The following EYS variants were observed in gnomAD, a reference collection of about 807,000 sequenced individuals.
The protein encoded by EYS is protein eyes shut homolog.
EYS carries 250 observed loss-of-function variants against 282.1 expected under a neutral mutation model. That is an observed-to-expected ratio of 0.89 (90% CI 0.80 to 0.98). EYS has a LOEUF of 0.98. EYS is among the 50% of genes least tolerant of loss of function. The pLI, the probability that EYS is intolerant of heterozygous loss-of-function variation, is 0.00. For missense variants in EYS, 4,016 were observed against 3,709.0 expected (o/e 1.08, Z -2.15); for synonymous variants, 1,355 against 1,282.9 (o/e 1.06, Z -1.20).
At chr6:63,838,120 T>A (rs1490370436) in intron 36 of EYS, among the ~76,000 whole-genome samples, 1 of 152,184 alleles carries the variant, frequency 6.6e-6, no homozygotes, top group Admixed American at 6.5e-5. Flanking sequence ...TCAAGTAATG[T>A]TTACATCTTA....
intron 12 of EYS, among the ~76,000 whole-genome samples, chr6:65,102,591 T>C (rs1355441288): frequency 1.3e-5 from 2 of 151,246 alleles, no homozygotes; most frequent in Non-Finnish European, 3.0e-5. Context: ...TAAAATATAA[T>C]GATAAATAAA....
At chr6:63,983,735 C>T (rs1044724078) in intron 35 of EYS, among the ~76,000 whole-genome samples, 5 of 151,712 alleles carry the variant, frequency 3.3e-5, no homozygotes, top group Non-Finnish European at 7.4e-5. Flanking sequence ...ATAAAGAATT[C>T]TCAGATGACT....
intron 35 of EYS, among the ~76,000 whole-genome samples, chr6:63,963,789 A>T (rs1420276814): frequency 6.6e-6 from 1 of 152,186 alleles, no homozygotes; most frequent in Non-Finnish European, 1.5e-5. Context: ...TTTCATTTAA[A>T]TCTCAAACTA....
At chr6:64,635,556 G>A (rs1232570912) in intron 22 of EYS, among the ~76,000 whole-genome samples, 1 of 152,128 alleles carries the variant, frequency 6.6e-6, no homozygotes, top group Non-Finnish European at 1.5e-5. Context: ...TTTGTCAAAG[G>A]CCTTCTCTGC....
intron 5 of EYS, among the ~76,000 whole-genome samples, chr6:65,421,097 C>A (rs1767439707): frequency 6.6e-6 from 1 of 151,862 alleles, no homozygotes; most frequent in East Asian, 1.9e-4. Context: ...GCAAGAGAAG[C>A]AGTCTGTTCT....
intron 26 of EYS, among the ~76,000 whole-genome samples, chr6:64,527,336 G>T (rs143230896): frequency 1.3e-5 from 2 of 151,936 alleles, no homozygotes; most frequent in Non-Finnish European, 3.0e-5. Context: ...TGATATGCCA[G>T]GCCTAAGGGC....
At chr6:63,915,000 T>C (rs1207919558) in intron 35 of EYS, among the ~76,000 whole-genome samples, 3 of 152,180 alleles carry the variant, frequency 2.0e-5, no homozygotes. Context: ...CTACAGCATG[T>C]TATTCAGAAA....
intron 12 of EYS, among the ~76,000 whole-genome samples, chr6:65,272,997 T>C (rs902296736): frequency 2.0e-5 from 3 of 152,132 alleles, no homozygotes; most frequent in Non-Finnish European, 2.9e-5. Context: ...AAACGTTACT[T>C]GAACATAAAC....
At chr6:64,275,046 G>C (rs529090027) in intron 30 of EYS, among the ~76,000 whole-genome samples, 1 of 152,114 alleles carries the variant, frequency 6.6e-6, no homozygotes, top group African/African-American at 2.4e-5. Flanking sequence ...TGGCAACCTG[G>C]TCACACCTAC....
chr6:64,164,034 CT>C (rs1196665969), intron 31 of EYS, among the ~76,000 whole-genome samples: 2 of 152,098 alleles, frequency 1.3e-5, no homozygotes, highest in African/African-American at 2.4e-5. Context: ...TAGGTGTTGA[CT>C]CTCAGACAAT....
chr6:65,519,708 A>ATATATTTTTTTTTTTTTTT (rs1554205854), intron 2 of EYS, among the ~76,000 whole-genome samples: 2 of 42,562 alleles, frequency 4.7e-5, no homozygotes, highest in Non-Finnish European at 7.4e-5. Context: ...ATATATATAT[A>ATATATTTTTTTTTTTTTTT]TTTTTTTTTT....
intron 36 of EYS, among the ~76,000 whole-genome samples, chr6:63,844,761 C>A (rs1198401624): frequency 6.6e-6 from 1 of 151,704 alleles, no homozygotes; most frequent in Admixed American, 6.6e-5. Flanking sequence ...GGATAATAGT[C>A]CTTTGTCAGA....
intron 35 of EYS, among the ~76,000 whole-genome samples, chr6:63,974,348 A>C (rs1032681105): frequency 6.6e-6 from 1 of 152,228 alleles, no homozygotes; most frequent in East Asian, 1.9e-4. Flanking sequence ...TAGTTTTTGA[A>C]GGAAAGCAAA....
intron 12 of EYS, among the ~76,000 whole-genome samples, chr6:65,291,288 T>C (rs1463566049): frequency 1.3e-5 from 2 of 151,478 alleles, no homozygotes; most frequent in East Asian, 3.9e-4. Flanking sequence ...AAAACCATAA[T>C]GATTAATAAT....
chr6:64,118,045 A>T (rs1366676101), intron 31 of EYS, among the ~76,000 whole-genome samples: 1 of 152,118 alleles, frequency 6.6e-6, no homozygotes, highest in Non-Finnish European at 1.5e-5. Context: ...ATGGAAGGGG[A>T]CACAAAGAGA....
intron 12 of EYS, among the ~76,000 whole-genome samples, chr6:65,155,190 G>T (rs1376350754): frequency 6.6e-6 from 1 of 151,428 alleles, no homozygotes; most frequent in Non-Finnish European, 1.5e-5. Context: ...CATTCTATCA[G>T]CATTACCACT....
rs1582139965 is a variant in EYS, at chr6:63,721,215, C to G, written c.8816G>C (p.Cys2939Ser). The G allele has an allele frequency of 6.4e-7, 1 of 1,551,692 alleles. No individual in the cohort carries two copies. Among genetic ancestry groups the G allele is most frequent in the Non-Finnish European group, 8.7e-7 (1 of 1,146,914 alleles). Residue 2939 changes from cysteine to serine, a missense_variant, in exon 43 of 43, where the codon TGT becomes TCT. Coordinates refer to ENST00000503581, the MANE Select transcript of EYS (RefSeq NM_001142800.2). Reference protein sequence around the residue: ...PDQSFSYSCLCTLGWVGRYCE... With the variant: ...PDQSFSYSCLSTLGWVGRYCE... The stretch of plus-strand genomic sequence containing the variant: ...ATACCTTCCCACCCAACCCAAAGTA[C>G]ACAGGCAACTGTAAGAAAATGATTG...
At chr6:65,058,712 A>T (rs1308726084) in intron 12 of EYS, among the ~76,000 whole-genome samples, 2 of 150,842 alleles carry the variant, frequency 1.3e-5, no homozygotes, top group Non-Finnish European at 3.0e-5. Context: ...TCCACCTAGA[A>T]CTTGTTTTGC....
intron 12 of EYS, among the ~76,000 whole-genome samples, chr6:65,128,970 G>A (rs1775793884): frequency 6.6e-6 from 1 of 151,856 alleles, no homozygotes. Flanking sequence ...TAGACACATA[G>A]ACCAATGGAA....
Sources: allele counts gnomAD v4.1 joint callset (sites outside exome capture counted in the v4.1 genomes callset), GRCh38; gene constraint gnomAD v4.1.1; transcripts MANE v1.5; gene names NCBI Gene and HGNC (gene_info 2026-07-23, HGNC 2026-07-21).